Variants in MAP3K1 observed in about 807,000 individuals in gnomAD.
MAP3K1 encodes mitogen-activated protein kinase kinase kinase 1.
Under a neutral mutation model 144.2 loss-of-function variants are expected in MAP3K1, and 36 were observed. The ratio of observed to expected loss-of-function variants is 0.25; its 90% confidence interval spans 0.19 to 0.33. MAP3K1 has a LOEUF of 0.33. Ranked by LOEUF, MAP3K1 falls within the 10% of genes least tolerant of loss-of-function variation. The probability of loss-of-function intolerance (pLI) is 1.00; values close to 1 mark genes in which losing one functional copy is unlikely to be tolerated. For synonymous variants in MAP3K1, 718 were observed against 688.7 expected, an observed-to-expected ratio of 1.04 and a Z score of -0.67; for missense variants, 1,650 against 1,881.9, an observed-to-expected ratio of 0.88 and a Z score of 2.28.
At chr5:56,855,980 G>A (rs1200475169) in intron 1 of MAP3K1, among the ~76,000 whole-genome samples, 1 of 152,160 alleles carries the variant, frequency 6.6e-6, no homozygotes, top group Non-Finnish European at 1.5e-5. Context: ...TTAGTTTAGA[G>A]ATTGTTTTAT....
At chr5:56,875,763 GA>G (rs1305947970) in intron 10 of MAP3K1, among the ~76,000 whole-genome samples, 2 of 152,054 alleles carry the variant, frequency 1.3e-5, no homozygotes, top group South Asian at 2.1e-4. Context: ...AATTTTTAAA[GA>G]TTTTTTTAAT....
In MAP3K1 at chr5:56,884,793, A is replaced by G. The variant is rs1748331734; in HGVS notation, c.3949A>G (p.Ser1317Gly). 1 of 1,613,764 alleles carries G rather than the reference A, an allele frequency of 6.2e-7. No individual in the cohort carries two copies. Among genetic ancestry groups the G allele is most frequent in the African/African-American group, 1.3e-5 (1 of 74,934 alleles). The change falls in exon 16 of 20, where the codon AGC becomes GGC. Residue 1317 changes from serine (S) to glycine (G), a missense_variant. Around this residue, in one of 6 missense-constraint regions of MAP3K1, gnomAD observed 165 missense variants for 322.9 expected, o/e 0.51. Coordinates refer to ENST00000399503, the MANE Select transcript of MAP3K1 (RefSeq NM_005921.2). ...GATGTTGGGAGCCACGTGTGAGAAG[A>G]GCAATTACAATCTCTTCATTGAATG... Reference protein sequence around the residue: ...IRMLGATCEKSNYNLFIEWMA... With the variant: ...IRMLGATCEKGNYNLFIEWMA...
chr5:56,852,542 T>A lies in MAP3K1; in HGVS notation c.483-4058T>A, dbSNP rs565073306. The stretch of plus-strand genomic sequence containing the variant: ...TCATGTTTCCTAAATAAACAGGAAA[T>A]GAAGATAAAGCTTGATCTGTAATAG... On this transcript the variant is annotated intron_variant, in intron 1 of 19. Coordinates refer to ENST00000399503, the MANE Select transcript of MAP3K1 (RefSeq NM_005921.2). Among the ~76,000 whole-genome samples the A allele has an allele frequency of 5.9e-4, 90 of 152,322 alleles. 1 individual carries two copies. The highest frequency in any genetic ancestry group is 3.7e-3 in the Admixed American group (56 of 15,304).
chr5:56,831,739 C>G (rs1746500880), intron 1 of MAP3K1, among the ~76,000 whole-genome samples: 1 of 152,132 alleles, frequency 6.6e-6, no homozygotes, highest in African/African-American at 2.4e-5. Context: ...TTTGACCTCA[C>G]AAGAGTTAAG....
intron 1 of MAP3K1, among the ~76,000 whole-genome samples, chr5:56,839,358 T>C (rs923252212): frequency 6.6e-6 from 1 of 152,222 alleles, no homozygotes; most frequent in African/African-American, 2.4e-5. Flanking sequence ...ATTATGCAAG[T>C]CATGAGTGGT....
chr5:56,882,776 C>A lies in MAP3K1; in HGVS notation c.3576C>A (p.Ala1192=), dbSNP rs969383080. The A allele has an allele frequency of 6.2e-7, 1 of 1,611,574 alleles. No individual in the cohort carries two copies. Among genetic ancestry groups the A allele is most frequent in the Non-Finnish European group, 8.5e-7 (1 of 1,179,034 alleles). The change falls in exon 14 of 20, where the codon GCC becomes GCA. Residue 1192 remains alanine, a synonymous_variant. Coordinates refer to ENST00000399503, the MANE Select transcript of MAP3K1 (RefSeq NM_005921.2). ...AAGAAGAAGAAGCTTTAGCAATTGC[C>A]ATGGCAATGTCAGCGTCTCAGGATG... ...EAEEEEALAI[A]MAMSASQDAL...
At chr5:56,890,551 T>G (rs913309114) in intron 19 of MAP3K1, among the ~76,000 whole-genome samples, 3 of 152,202 alleles carry the variant, frequency 2.0e-5, no homozygotes. Flanking sequence ...GCACTTATTC[T>G]TTGACTCAGC....
chr5:56,887,323 T>G (rs76611085), intron 17 of MAP3K1, 55 bp from the exon 18 acceptor site: 473 of 1,585,536 alleles, frequency 3.0e-4, no homozygotes, highest in Non-Finnish European at 4.0e-4. Flanking sequence ...TGGGCTTTTA[T>G]CTGTCCTTAT....
intron 1 of MAP3K1, among the ~76,000 whole-genome samples, chr5:56,847,154 A>C (rs1747023657): frequency 6.6e-6 from 1 of 152,212 alleles, no homozygotes; most frequent in African/African-American, 2.4e-5. Context: ...TTTCAGCTGC[A>C]AGGAATATAG....
rs775970017 is a variant in MAP3K1, at chr5:56,875,224, A to G, written c.1879A>G (p.Ile627Val). 41 of 1,614,170 alleles carry G rather than the reference A, an allele frequency of 2.5e-5. No individual in the cohort carries two copies. The highest frequency in any genetic ancestry group is 3.5e-5 in the Non-Finnish European group (41 of 1,180,018). Residue 627 changes from isoleucine (I) to valine (V), a missense_variant, in exon 10 of 20, where the codon ATC becomes GTC. Transcript: ENST00000399503. ...CACCAGTGGGTCTTCCCAGACCAGT[A>G]TCTCAGGAGATGTGGTGGAGGCATG... ...GATSGSSQTS[I>V]SGDVVEACCS...
At position 56,872,867 on chromosome 5, in the gene MAP3K1, A is replaced by T; in HGVS notation, c.1548A>T (p.Arg516Ser). Reference sequence around the variant, plus strand: ...CTGTGGATTCCCCTTCTTCCCTCAGAGCTGCACAGCAGCAAACCGTACAGC... The same window carrying T: ...CTGTGGATTCCCCTTCTTCCCTCAGTGCTGCACAGCAGCAAACCGTACAGC... ...SSPVDSPSSL[R>S]AAQQQTVQQQ... is the part of the protein sequence containing the mutation. The change falls in exon 9 of 20, where the codon AGA (arginine) becomes AGT (serine). Residue 516 changes from arginine to serine, a missense_variant. Coordinates refer to ENST00000399503, the MANE Select transcript of MAP3K1 (RefSeq NM_005921.2). The T allele has an allele frequency of 6.2e-7, 1 of 1,614,188 alleles. No individual in the cohort carries two copies. The highest frequency in any genetic ancestry group is 1.1e-5 in the South Asian group (1 of 91,088).
At chr5:56,832,551 A>G (rs529871418) in intron 1 of MAP3K1, among the ~76,000 whole-genome samples, 5 of 152,348 alleles carry the variant, frequency 3.3e-5, no homozygotes, top group East Asian at 1.9e-4. Context: ...GAGGTGAGGT[A>G]TCCTGGCAAG....
At position 56,864,881 on chromosome 5, in the gene MAP3K1, C is replaced by T. The variant is rs767034091; in HGVS notation, c.982C>T (p.Leu328=). 6.2e-7 allele frequency: 1 copy of T among 1,614,002 alleles called. No individual in the cohort carries two copies. The highest frequency in any genetic ancestry group is 1.7e-5 in the Admixed American group (1 of 60,010). ...LLQQIGPNSF[L]IGGDSPDNKY... is the part of the protein sequence containing the mutation. ...GCAGCAGATAGGGCCTAACTCTTTCCTGATTGGAGGAGACAGCCCAGACAA... is the reference window on the plus strand; with the variant it reads ...GCAGCAGATAGGGCCTAACTCTTTCTTGATTGGAGGAGACAGCCCAGACAA... Residue 328 remains leucine, a synonymous_variant, in exon 4 of 20, where the codon CTG becomes TTG. Coordinates refer to ENST00000399503, the MANE Select transcript of MAP3K1 (RefSeq NM_005921.2).
rs373628852 is a variant in MAP3K1 at position 56,886,023 on chromosome 5, G to A, written c.4074G>A (p.Ser1358=). 7.4e-5 allele frequency: 119 copies of A among 1,612,158 alleles called. No individual in the cohort carries two copies. The highest frequency in any genetic ancestry group is 5.3e-4 in the South Asian group (48 of 91,056). The change falls in exon 17 of 20, where the codon TCG becomes TCA. Residue 1358 remains serine, a synonymous_variant. Transcript: ENST00000399503. Reference sequence around the variant, plus strand: ...CTGAACAGTTACTCCGTGGCCTTTCGTATCTCCATGAAAACCAAATCATTC... The same window carrying A: ...CTGAACAGTTACTCCGTGGCCTTTCATATCTCCATGAAAACCAAATCATTC... ...NYTEQLLRGL[S]YLHENQIIHR...
At chr5:56,854,041 C>A (rs573609197) in intron 1 of MAP3K1, among the ~76,000 whole-genome samples, 1 of 152,002 alleles carries the variant, frequency 6.6e-6, no homozygotes, top group Non-Finnish European at 1.5e-5. Context: ...CCTGGATGGG[C>A]GTGTGAATGG....
intron 1 of MAP3K1, among the ~76,000 whole-genome samples, chr5:56,816,578 T>C (rs1745977262): frequency 6.6e-6 from 1 of 151,972 alleles, no homozygotes; most frequent in Non-Finnish European, 1.5e-5. Flanking sequence ...CCAGCGGCCG[T>C]GACAGGCAGA....
At chr5:56,823,003 TC>T (rs2111753414) in intron 1 of MAP3K1, among the ~76,000 whole-genome samples, 1 of 152,318 alleles carries the variant, frequency 6.6e-6, no homozygotes, top group East Asian at 1.9e-4. Context: ...CCTTGCCTGA[TC>T]CCTGTGTCCT....
intron 16 of MAP3K1, among the ~76,000 whole-genome samples, chr5:56,885,125 T>G (rs1430214164): frequency 6.6e-6 from 1 of 152,160 alleles, no homozygotes; most frequent in Non-Finnish European, 1.5e-5. Context: ...GTAGCCATGA[T>G]AAATTGGACA....
intron 1 of MAP3K1, among the ~76,000 whole-genome samples, chr5:56,825,567 C>G (rs1486420022): frequency 6.6e-6 from 1 of 152,166 alleles, no homozygotes. Context: ...GCATCTCTGC[C>G]CTGCTCAGCC....
Sources: allele counts gnomAD v4.1 joint callset (sites outside exome capture counted in the v4.1 genomes callset), GRCh38; gene constraint gnomAD v4.1.1; regional missense constraint gnomAD v4.1.1; transcripts MANE v1.5; gene names NCBI Gene and HGNC (gene_info 2026-07-23, HGNC 2026-07-21).